Variants in PCDHGA10 observed in about 807,000 individuals in gnomAD.
PCDHGA10 encodes protocadherin gamma-A10.
PCDHGA10 carries 42 observed loss-of-function variants against 59.5 expected under a neutral mutation model. The ratio of observed to expected loss-of-function variants is 0.71; its 90% CI spans 0.55 to 0.91. PCDHGA10 has a LOEUF of 0.91. Ranked by LOEUF, PCDHGA10 falls within the 40% of genes least tolerant of loss-of-function variation. The pLI is 0.00. For synonymous variants in PCDHGA10, 511 were observed against 517.2 expected (o/e 0.99, Z 0.16); for missense variants, 1,111 against 1,198.2 (o/e 0.93, Z 1.07).
At chr5:141,471,654 G>A (rs1235665796) in intron 1 of PCDHGA10, 2 of 152,044 alleles carry the variant, frequency 1.3e-5, no homozygotes, top group South Asian at 2.1e-4. Flanking sequence ...CTGGATGTGG[G>A]GATGCAGAAA....
chr5:141,415,452 C>G lies in PCDHGA10; in HGVS notation c.2277C>G (p.His759Gln), dbSNP rs2095870569. The stretch of plus-strand genomic sequence containing the variant: ...GGGCTTTCCTGCAGACCTATTCCCA[C>G]GAGGTCTCTCTCACCGCGGACTCGC... ...GVRAFLQTYS[H>Q]EVSLTADSRK... The change falls in exon 1 of 4, where the codon CAC (histidine) becomes CAG (glutamine). Residue 759 changes from histidine (H) to glutamine (Q), a missense_variant. Physicochemically the swap from His to Gln is conservative, Grantham distance 24 (BLOSUM62 0). Transcript: ENST00000398610. 1.9e-6 allele frequency: 3 copies of G among 1,614,122 alleles called. No individual in the cohort carries two copies. Among genetic ancestry groups the G allele is most frequent in the Admixed American group, 1.7e-5 (1 of 60,000 alleles).
Position 141,489,172 on chromosome 5 carries a change from T to G in PCDHGA10, c.2437-5635T>G. 1 of 1,199,026 alleles carries G rather than the reference T, an allele frequency of 8.3e-7. No individual in the cohort carries two copies. Among genetic ancestry groups the G allele is most frequent in the East Asian group, 2.4e-5 (1 of 42,106 alleles). The allele number at this position is 1,199,026 out of a possible 1,614,324, so 74.3% of individuals were successfully genotyped here. ...ACATAAGAGACTTCAGCTGCTGCATTCCAAGCCCTGGGTCTACCTTGGAGA... is the reference window on the plus strand; with the variant it reads ...ACATAAGAGACTTCAGCTGCTGCATGCCAAGCCCTGGGTCTACCTTGGAGA... On this transcript the variant is annotated intron_variant, in intron 1 of 3. Coordinates refer to ENST00000398610, the MANE Select transcript of PCDHGA10 (RefSeq NM_018913.3). This position sits in a 1 kb window ranked among gnomAD's most constrained non-coding sequence, Gnocchi z 4.5.
chr5:141,419,645 G>T, intron 1 of PCDHGA10: 1 of 1,612,478 alleles, frequency 6.2e-7, no homozygotes, highest in African/African-American at 1.3e-5. Context: ...GGCCGTGGAC[G>T]CGGACTCGGG....
At chr5:141,510,272 TAA>T (rs546154379) in intron 3 of PCDHGA10, among the ~76,000 whole-genome samples, 46 of 130,286 alleles carry the variant, frequency 3.5e-4, no homozygotes, top group South Asian at 5.0e-4. Context: ...GACTCCATCT[TAA>T]AAAAAAAAAA....
chr5:141,455,109 G>A (rs2098813382), intron 1 of PCDHGA10, among the ~76,000 whole-genome samples: 1 of 151,932 alleles, frequency 6.6e-6, no homozygotes, highest in South Asian at 2.1e-4. Context: ...ACTGCGCCCG[G>A]TGGGTCTAAT....
intron 1 of PCDHGA10, among the ~76,000 whole-genome samples, chr5:141,433,378 T>C (rs1246585250): frequency 6.6e-5 from 10 of 151,072 alleles, no homozygotes. Context: ...TATCTATCTA[T>C]CTATCTATCT....
chr5:141,464,524 T>C (rs2099086175), intron 1 of PCDHGA10, among the ~76,000 whole-genome samples: 1 of 152,094 alleles, frequency 6.6e-6, no homozygotes, highest in Non-Finnish European at 1.5e-5. Context: ...AAGGCATATG[T>C]AGTTTTGTTA....
Position 141,414,460 on chromosome 5 carries a change from A to G in PCDHGA10, c.1285A>G (p.Thr429Ala). 1 of 1,613,922 alleles carries G rather than the reference A, an allele frequency of 6.2e-7. No homozygotes were observed. The highest frequency in any genetic ancestry group is 8.5e-7 in the Non-Finnish European group (1 of 1,179,884). The change falls in exon 1 of 4, where the codon ACA becomes GCA. Residue 429 changes from threonine to alanine, a missense_variant. Physicochemically the swap from Thr to Ala is moderately conservative, Grantham distance 58. Transcript: ENST00000398610. ...VSSYNITVTA[T>A]DGGSPPLSTE... The stretch of plus-strand genomic sequence containing the variant: ...CTCTTACAATATCACAGTGACAGCC[A>G]CAGATGGGGGAAGTCCTCCTCTATC...
Position 141,489,595 on chromosome 5 carries a change from G to A in PCDHGA10, c.2437-5212G>A. The A allele has an allele frequency of 1.2e-6, 2 of 1,614,132 alleles. No individual in the cohort carries two copies. Among genetic ancestry groups the A allele is most frequent in the Non-Finnish European group, 1.7e-6 (2 of 1,180,004 alleles). On this transcript the variant is annotated intron_variant, in intron 1 of 3. Coordinates refer to ENST00000398610, the MANE Select transcript of PCDHGA10 (RefSeq NM_018913.3). The surrounding 1 kb of genome is among the most constrained non-coding windows in gnomAD (Gnocchi z 4.5). Reference sequence around the variant, plus strand: ...TGAACACCCCCTGGAGCTAATCCGTGTAGAGGTAGAGATCCTGGATCTCAA... The same window carrying A: ...TGAACACCCCCTGGAGCTAATCCGTATAGAGGTAGAGATCCTGGATCTCAA...
Position 141,485,598 on chromosome 5 carries a change from T to C in PCDHGA10, c.2437-9209T>C, listed in dbSNP as rs931717579. 25 of 1,612,028 alleles carry C rather than the reference T, an allele frequency of 1.6e-5. No individual in the cohort carries two copies. Among genetic ancestry groups the C allele is most frequent in the African/African-American group, 2.7e-5 (2 of 74,838 alleles). ...CCGCGGCAGCAGCTGGACTTGGAAA[T>C]TGGGGAGGCAGCTCCTCCAGGACAG... On this transcript the variant is annotated intron_variant, in intron 1 of 3. Transcript: ENST00000398610. This position sits in a 1 kb window ranked among gnomAD's most constrained non-coding sequence, Gnocchi z 5.7.
At chr5:141,464,279 C>CAAA (rs373828487) in intron 1 of PCDHGA10, among the ~76,000 whole-genome samples, 8 of 137,748 alleles carry the variant, frequency 5.8e-5, no homozygotes, top group Admixed American at 1.5e-4. Flanking sequence ...AAAAAAAAAG[C>CAAA]AAAAAAAAAA....
Position 141,413,244 on chromosome 5 carries a change from C to T in PCDHGA10, c.69C>T (p.Phe23=). ...GCGGGCTGGTCCTGCTCTGCCTTTTCTTCGGGATTCCATGGGAGGCTGGAG... is the reference window on the plus strand; with the variant it reads ...GCGGGCTGGTCCTGCTCTGCCTTTTTTTCGGGATTCCATGGGAGGCTGGAG... The part of the protein sequence containing the change: ...DCSGLVLLCL[F]FGIPWEAGAR... Residue 23 remains phenylalanine (F), a synonymous_variant, in exon 1 of 4, where the codon TTC becomes TTT. Transcript: ENST00000398610. 3 of 1,613,984 alleles carry T rather than the reference C, an allele frequency of 1.9e-6. No homozygotes were observed. The highest frequency in any genetic ancestry group is 2.5e-6 in the Non-Finnish European group (3 of 1,179,896).
rs575244490 is a variant in PCDHGA10, at chr5:141,415,189, A to G, written c.2014A>G (p.Ile672Val). The G allele has an allele frequency of 1.2e-6, 2 of 1,613,958 alleles. No homozygotes were observed. Among genetic ancestry groups the G allele is most frequent in the Non-Finnish European group, 1.7e-6 (2 of 1,180,012 alleles). ...GCTCACCGTGGCCGTGGCCGACAGC[A>G]TCCCCCAAGTCCTGGCGGACCTCGG... ...VTLTVAVADS[I>V]PQVLADLGSF... The change falls in exon 1 of 4, where the codon ATC becomes GTC. Residue 672 changes from isoleucine (I) to valine (V), a missense_variant. Transcript: ENST00000398610.
In PCDHGA10 at chr5:141,414,189, G is replaced by C. The variant is rs1674006167; in HGVS notation, c.1014G>C (p.Leu338Phe). ...GGAYLATAKVLITVEDVNDNS... is the reference protein window; with the variant it reads ...GGAYLATAKVFITVEDVNDNS... ...CATATCTTGCAACTGCAAAAGTGTT[G>C]ATTACAGTAGAAGATGTAAATGACA... The change falls in exon 1 of 4, where the codon TTG becomes TTC. Residue 338 changes from leucine (L) to phenylalanine (F), a missense_variant. Leu to Phe is a conservative substitution (Grantham distance 22). Transcript: ENST00000398610. 3.1e-6 allele frequency: 5 copies of C among 1,609,966 alleles called. No homozygotes were observed. The highest frequency in any genetic ancestry group is 3.4e-6 in the Non-Finnish European group (4 of 1,177,924).
chr5:141,437,037 A>G (rs1410732155), intron 1 of PCDHGA10, among the ~76,000 whole-genome samples: 2 of 152,264 alleles, frequency 1.3e-5, no homozygotes, highest in Admixed American at 1.3e-4. Flanking sequence ...TGGATCACCG[A>G]AACCAGAAGG....
intron 1 of PCDHGA10, among the ~76,000 whole-genome samples, chr5:141,434,021 C>A (rs1023145172): frequency 2.0e-5 from 3 of 152,052 alleles, no homozygotes; most frequent in Admixed American, 2.0e-4. Context: ...TTCTATGATT[C>A]TGGAAGCATG....
At position 141,487,611 on chromosome 5, in the gene PCDHGA10, T is replaced by C. The variant is rs1215704705; in HGVS notation, c.2437-7196T>C. ...CCACCCTCTGATCTTCTCTATGGGCTAGAGGTGAGACCTTTGCAGGCTCAA... is the reference window on the plus strand; with the variant it reads ...CCACCCTCTGATCTTCTCTATGGGCCAGAGGTGAGACCTTTGCAGGCTCAA... On this transcript the variant is annotated intron_variant, in intron 1 of 3. Transcript: ENST00000398610. This position sits in a 1 kb window ranked among gnomAD's most constrained non-coding sequence, Gnocchi z 5.0. The C allele has an allele frequency of 1.2e-6, 2 of 1,614,206 alleles. No homozygotes were observed. The highest frequency in any genetic ancestry group is 1.7e-6 in the Non-Finnish European group (2 of 1,180,036).
intron 1 of PCDHGA10, among the ~76,000 whole-genome samples, chr5:141,460,804 T>C (rs2098998238): frequency 1.3e-5 from 2 of 152,020 alleles, no homozygotes; most frequent in African/African-American, 4.8e-5. Flanking sequence ...AGTATATATA[T>C]GTATGTATAC....
At chr5:141,448,143 A>C (rs2098568288) in intron 1 of PCDHGA10, among the ~76,000 whole-genome samples, 1 of 152,012 alleles carries the variant, frequency 6.6e-6, no homozygotes, top group Admixed American at 6.6e-5. Context: ...ACTATACCTC[A>C]GACTCACCCC....
Sources: allele counts gnomAD v4.1 joint callset (sites outside exome capture counted in the v4.1 genomes callset), GRCh38; gene constraint gnomAD v4.1.1; non-coding constraint Gnocchi (gnomAD v3.1); transcripts MANE v1.5; gene names NCBI Gene and HGNC (gene_info 2026-07-23, HGNC 2026-07-21).